NAA35: variants seen among roughly 807,000 people sequenced by gnomAD.
NAA35 encodes MAK10 homolog, amino-acid N-acetyltransferase subunit.
NAA35 carries 18 observed loss-of-function variants against 101.7 expected under a neutral mutation model. The ratio of observed to expected loss-of-function variants is 0.18; its 90% confidence interval spans 0.12 to 0.26. The LOEUF (loss-of-function observed/expected upper bound fraction) is 0.26, where lower values mean the gene tolerates loss of function less well. Ranked by LOEUF, NAA35 falls within the 10% of genes least tolerant of loss-of-function variation. The pLI, the probability that NAA35 is intolerant of heterozygous loss-of-function variation, is 1.00. For synonymous variants in NAA35, 267 were observed against 273.1 expected, an observed-to-expected ratio of 0.98 and a Z score of 0.22; for missense variants, 601 against 886.8, an observed-to-expected ratio of 0.68 and a Z score of 4.09.
At chr9:86,015,796 A>G (rs1309017594) in intron 17 of NAA35, 1 of 979,628 alleles carries the variant, frequency 1.0e-6, no homozygotes, top group East Asian at 1.1e-4. Context: ...GATAAACAGA[A>G]GGTAGAAGAC....
Position 85,941,273 on chromosome 9 carries a change from G to A in NAA35, c.-6G>A. The A allele has an allele frequency of 1.0e-6, 1 of 985,738 alleles. No homozygotes were observed. The highest frequency in any genetic ancestry group is 1.1e-4 in the East Asian group (1 of 8,792). The allele number at this position is 985,738 out of a possible 1,614,324, so 61.1% of individuals were successfully genotyped here. A position where few individuals can be genotyped will look rare whatever the true frequency, so the allele number is the denominator to read the frequency against. ...GGCGCGGGTGACCACGGGAGAAGTA[G>A]GTAGGGACCGCCCCTGCGTAGCCAT... is the stretch of plus-strand genomic sequence containing the variant. On this transcript the variant is annotated splice_region_variant and 5_prime_UTR_variant, in exon 1 of 23. Coordinates refer to ENST00000361671, the MANE Select transcript of NAA35 (RefSeq NM_024635.4).
intron 14 of NAA35, among the ~76,000 whole-genome samples, chr9:86,008,816 T>A (rs1831764126): frequency 6.7e-6 from 1 of 149,948 alleles, no homozygotes; most frequent in Non-Finnish European, 1.5e-5. Flanking sequence ...GATGAGTTTC[T>A]CTTTATTTTA....
chr9:86,014,948 T>C (rs961581263), intron 17 of NAA35, among the ~76,000 whole-genome samples: 2 of 152,208 alleles, frequency 1.3e-5, no homozygotes, highest in African/African-American at 4.8e-5. Flanking sequence ...TTTCTGTTTT[T>C]TGAGGTGGGG....
chr9:85,963,743 A>G (rs1197364468), intron 6 of NAA35, among the ~76,000 whole-genome samples: 1 of 152,216 alleles, frequency 6.6e-6, no homozygotes, highest in East Asian at 1.9e-4. Flanking sequence ...TAGTATTTTC[A>G]AAGTACAACT....
At chr9:85,979,990 C>T (rs1329335480) in intron 11 of NAA35, among the ~76,000 whole-genome samples, 1 of 152,158 alleles carries the variant, frequency 6.6e-6, no homozygotes, top group Non-Finnish European at 1.5e-5. Flanking sequence ...AACTTCTGAC[C>T]CACTGGCTTT....
chr9:86,019,530 A>C (rs1311150376), intron 21 of NAA35, among the ~76,000 whole-genome samples: 1 of 152,208 alleles, frequency 6.6e-6, no homozygotes, highest in African/African-American at 2.4e-5. Context: ...TTATCACCGG[A>C]ACAACCTTAT....
chr9:85,971,014 C>A (rs1401507931), intron 6 of NAA35, among the ~76,000 whole-genome samples: 1 of 152,182 alleles, frequency 6.6e-6, no homozygotes, highest in Admixed American at 6.5e-5. Context: ...AGCTCAGCTC[C>A]TCCACTTGTG....
At chr9:85,984,346 A>G (rs1381968028) in intron 11 of NAA35, among the ~76,000 whole-genome samples, 2 of 152,118 alleles carry the variant, frequency 1.3e-5, no homozygotes, top group East Asian at 3.9e-4. Flanking sequence ...CAAACAAACA[A>G]ACAAACAAAC....
intron 21 of NAA35, among the ~76,000 whole-genome samples, chr9:86,020,631 C>T (rs1832487050): frequency 6.6e-6 from 1 of 152,032 alleles, no homozygotes; most frequent in African/African-American, 2.4e-5. Context: ...TCTGCTTGAA[C>T]CCACGAGTTC....
chr9:85,964,210 T>C (rs1442918166), intron 6 of NAA35, among the ~76,000 whole-genome samples: 1 of 150,378 alleles, frequency 6.6e-6, no homozygotes, highest in African/African-American at 2.4e-5. Flanking sequence ...ACAAAGAACA[T>C]ATGATTCGTA....
intron 11 of NAA35, among the ~76,000 whole-genome samples, chr9:85,994,646 C>T (rs888464879): frequency 6.6e-6 from 1 of 152,082 alleles, no homozygotes; most frequent in African/African-American, 2.4e-5. Context: ...AATACATTTC[C>T]AGATCTTTAA....
intron 13 of NAA35, among the ~76,000 whole-genome samples, chr9:86,005,581 A>G (rs373997609): frequency 2.6e-5 from 4 of 152,342 alleles, no homozygotes; most frequent in East Asian, 1.9e-4. Flanking sequence ...TAGAATGCCC[A>G]TGGATTTTAC....
At chr9:85,960,348 C>T (rs908886587) in intron 5 of NAA35, among the ~76,000 whole-genome samples, 1 of 152,114 alleles carries the variant, frequency 6.6e-6, no homozygotes, top group Admixed American at 6.5e-5. Context: ...TCGAGAAATT[C>T]TCATTTCTAC....
intron 6 of NAA35, among the ~76,000 whole-genome samples, chr9:85,963,432 GGC>G (rs1203544664): frequency 6.6e-6 from 1 of 151,756 alleles, no homozygotes; most frequent in African/African-American, 2.4e-5. Context: ...CACCATGCCT[GGC>G]TAATTTTGTA....
chr9:86,007,366 C>G lies in NAA35; in HGVS notation c.1125C>G (p.Phe375Leu), dbSNP rs761778458. ...ATAACATTTGTTTTAAGACCACTTT[C>G]CTGGTGGATAACAAAAAGGTCTTTG... ...VLSRSLLQTTFLVDNKKVFGT... is the reference protein window; with the variant it reads ...VLSRSLLQTTLLVDNKKVFGT... The change falls in exon 14 of 23, where the codon TTC becomes TTG. Residue 375 changes from phenylalanine (F) to leucine (L), a missense_variant. Phe to Leu is a conservative substitution (Grantham distance 22). This residue lies in a region of NAA35 where 190 missense variants were observed against 223.1 expected (regional missense o/e 0.85). Transcript: ENST00000361671. 5 of 1,612,136 alleles carry G rather than the reference C, an allele frequency of 3.1e-6. No individual in the cohort carries two copies.
intron 17 of NAA35, among the ~76,000 whole-genome samples, chr9:86,016,096 G>A (rs1214858842): frequency 6.6e-6 from 1 of 151,620 alleles, no homozygotes; most frequent in Non-Finnish European, 1.5e-5. Context: ...TTAGTGTCTG[G>A]TAGAGAATGT....
At position 86,025,162 on chromosome 9, in the gene NAA35, A is replaced by G. The variant is rs2118570544; in HGVS notation, c.*3202A>G. On this transcript the variant is annotated 3_prime_UTR_variant, in exon 23 of 23. Coordinates refer to ENST00000361671, the MANE Select transcript of NAA35 (RefSeq NM_024635.4). ...GTGTTTTCCTTGTTCCTCTTTGGCT[A>G]TGCTCTGGGCACTGGAAAAAGCCTG... Among the ~76,000 whole-genome samples, 1 of 152,326 alleles carries G rather than the reference A, an allele frequency of 6.6e-6. No homozygotes were observed. Among genetic ancestry groups the G allele is most frequent in the South Asian group, 2.1e-4 (1 of 4,826 alleles).
intron 14 of NAA35, among the ~76,000 whole-genome samples, chr9:86,009,378 CG>C (rs1231727181): frequency 6.6e-6 from 1 of 151,958 alleles, no homozygotes; most frequent in African/African-American, 2.4e-5. Context: ...TAAGGAACAC[CG>C]TAAAGGAAAC....
At chr9:86,012,152 C>T (rs1480023883) in intron 15 of NAA35, among the ~76,000 whole-genome samples, 1 of 149,722 alleles carries the variant, frequency 6.7e-6, no homozygotes. Flanking sequence ...TGAAGTCTCA[C>T]TCTGTTGCCC....
Sources: gnomAD v4.1 joint callset for allele counts (sites outside exome capture counted in the v4.1 genomes callset) on GRCh38, gnomAD v4.1.1 for gene constraint, gnomAD v4.1.1 regional missense constraint, MANE v1.5 for transcripts, NCBI Gene and HGNC (gene_info 2026-07-23, HGNC 2026-07-21) for gene names.